ADGRL2: variants seen among roughly 807,000 people sequenced by gnomAD.
ADGRL2 encodes adhesion G protein-coupled receptor L2, also known as calcium-independent alpha-latrotoxin receptor 2.
In ADGRL2, 44 loss-of-function variants were observed where a neutral mutation model predicts 157.4. The observed-to-expected ratio is 0.28, with a 90% CI of 0.22 to 0.36. The LOEUF (loss-of-function observed/expected upper bound fraction) is 0.36. Ranked by LOEUF, ADGRL2 falls within the 10% of genes least tolerant of loss-of-function variation. The pLI, the probability that ADGRL2 is intolerant of heterozygous loss-of-function variation, is 1.00. For missense variants in ADGRL2, 1,510 were observed against 1,768.9 expected, an observed-to-expected ratio of 0.85 and a Z score of 2.63; for synonymous variants, 585 against 624.7, an observed-to-expected ratio of 0.94 and a Z score of 0.95.
chr1:81,476,247 G>A (rs1026215421), intron 2 of ADGRL2, among the ~76,000 whole-genome samples: 1 of 152,152 alleles, frequency 6.6e-6, no homozygotes, highest in Non-Finnish European at 1.5e-5. Flanking sequence ...ACAATCTTTT[G>A]ATTAGATCAC....
intron 3 of ADGRL2, among the ~76,000 whole-genome samples, chr1:81,595,803 T>C (rs1015708560): frequency 2.0e-5 from 3 of 152,212 alleles, no homozygotes; most frequent in African/African-American, 7.2e-5. Flanking sequence ...CCATTTGGGC[T>C]GCTATAACAG....
chr1:81,598,845 T>G (rs1472243262), intron 3 of ADGRL2, among the ~76,000 whole-genome samples: 8 of 152,244 alleles, frequency 5.3e-5, no homozygotes, highest in African/African-American at 1.9e-4. Flanking sequence ...TGGGGCTTTA[T>G]GCACCCCTGA....
At chr1:81,433,579 G>T (rs2077359871) in intron 1 of ADGRL2, among the ~76,000 whole-genome samples, 1 of 152,188 alleles carries the variant, frequency 6.6e-6, no homozygotes, top group Middle Eastern at 3.2e-3. Flanking sequence ...AATGGTGCTT[G>T]CAGGACAGCC....
chr1:81,594,782 G>A (rs945876196), intron 3 of ADGRL2, among the ~76,000 whole-genome samples: 6 of 152,162 alleles, frequency 3.9e-5, no homozygotes, highest in Non-Finnish European at 7.3e-5. Flanking sequence ...CCATTGGACA[G>A]CAAACAGCTT....
chr1:81,673,253 A>G (rs1056846873), intron 3 of ADGRL2, among the ~76,000 whole-genome samples: 1 of 152,186 alleles, frequency 6.6e-6, no homozygotes, highest in Non-Finnish European at 1.5e-5. Context: ...AAGCAGAGTA[A>G]TTCTATTTGA....
chr1:81,503,475 A>G (rs2078900259), intron 2 of ADGRL2: 1 of 1,610,986 alleles, frequency 6.2e-7, no homozygotes, highest in Non-Finnish European at 8.5e-7. Context: ...TCTGATGGGC[A>G]GGACCCAGCT....
At chr1:81,506,180 C>T (rs1343256407) in intron 2 of ADGRL2, 1 of 152,970 alleles carries the variant, frequency 6.5e-6, no homozygotes, top group East Asian at 1.9e-4. Context: ...CTGGTAGCAC[C>T]TTTTAAAGAC....
At chr1:81,718,179 C>A (rs926665045) in intron 1 of ADGRL2, among the ~76,000 whole-genome samples, 2 of 152,092 alleles carry the variant, frequency 1.3e-5, no homozygotes, top group Non-Finnish European at 2.9e-5. Flanking sequence ...GCCACCATGC[C>A]CAGCTAATTT....
intron 3 of ADGRL2, among the ~76,000 whole-genome samples, chr1:81,624,451 C>A (rs561190567): frequency 6.6e-6 from 1 of 152,020 alleles, no homozygotes; most frequent in South Asian, 2.1e-4. Flanking sequence ...CGTGGTGGCC[C>A]GCGCCTGTAA....
At chr1:81,817,437 A>G (rs949305311) in intron 1 of ADGRL2, among the ~76,000 whole-genome samples, 2 of 152,132 alleles carry the variant, frequency 1.3e-5, no homozygotes, top group African/African-American at 4.8e-5. Flanking sequence ...TAATAAATCT[A>G]GAAAAGTGCA....
Position 81,712,755 on chromosome 1 carries a change from A to ATTTT in ADGRL2, c.-143+12969_-143+12972dup, listed in dbSNP as rs60265943. 1.7e-3 allele frequency among the ~76,000 whole-genome samples: 171 copies of ATTTT among 100,230 alleles called. 3 individuals carry two copies. The highest frequency in any genetic ancestry group is 6.3e-3 in the African/African-American group (157 of 24,746). The allele number at this position is 100,230 out of a possible 152,430, so 65.8% of individuals were successfully genotyped here. On this transcript the variant is annotated intron_variant, in intron 1 of 20. Transcript: ENST00000359929. ...GAGCACCAATTTACCTGGATCGCGG[A>ATTTT]TTTTTTTTTTTTTTTTTTTTTTTTT...
chr1:81,953,859 C>G (rs1341258), intron 10 of ADGRL2, among the ~76,000 whole-genome samples: 27,399 of 152,054 alleles, frequency 0.18, 3,242 homozygotes, highest in East Asian at 0.63. Context: ...TATATTGTGA[C>G]AAGAAAACAA....
chr1:81,510,263 A>G (rs10782762), intron 2 of ADGRL2, among the ~76,000 whole-genome samples: 1 of 151,962 alleles, frequency 6.6e-6, no homozygotes, highest in Non-Finnish European at 1.5e-5. Flanking sequence ...AATAATATTT[A>G]TCAGGTGCAT....
intron 2 of ADGRL2, among the ~76,000 whole-genome samples, chr1:81,524,196 TAAAAAA>T (rs59596783): frequency 6.9e-6 from 1 of 145,800 alleles, no homozygotes; most frequent in African/African-American, 2.5e-5. Flanking sequence ...CCATCTCTAC[TAAAAAA>T]AAAAATACAA....
chr1:81,468,804 A>G (rs2078112496), intron 2 of ADGRL2, among the ~76,000 whole-genome samples: 1 of 152,148 alleles, frequency 6.6e-6, no homozygotes, highest in South Asian at 2.1e-4. Context: ...TTTTCAATTG[A>G]CATACAAAGT....
At chr1:81,716,643 G>A (rs536331978) in intron 1 of ADGRL2, among the ~76,000 whole-genome samples, 1 of 152,140 alleles carries the variant, frequency 6.6e-6, no homozygotes, top group South Asian at 2.1e-4. Flanking sequence ...ATATAAAAGA[G>A]CTATACACCA....
At chr1:81,422,777 G>A (rs2077148450) in intron 1 of ADGRL2, among the ~76,000 whole-genome samples, 1 of 152,184 alleles carries the variant, frequency 6.6e-6, no homozygotes, top group Admixed American at 6.5e-5. Flanking sequence ...ACATATGTGT[G>A]AGAATCAAAT....
chr1:81,900,017 T>C (rs1016597774), intron 2 of ADGRL2, among the ~76,000 whole-genome samples: 2 of 152,146 alleles, frequency 1.3e-5, no homozygotes, highest in African/African-American at 4.8e-5. Flanking sequence ...AGGAGCTGAA[T>C]TACTGGGTTT....
intron 2 of ADGRL2, among the ~76,000 whole-genome samples, chr1:81,902,707 A>G (rs2094509934): frequency 6.6e-6 from 1 of 152,164 alleles, no homozygotes; most frequent in Non-Finnish European, 1.5e-5. Flanking sequence ...GGAAAGTACA[A>G]TGAGGCATGT....
Sources: gnomAD v4.1 joint callset for allele counts (sites outside exome capture counted in the v4.1 genomes callset) on GRCh38, gnomAD v4.1.1 for gene constraint, MANE v1.5 for transcripts, NCBI Gene and HGNC (gene_info 2026-07-23, HGNC 2026-07-21) for gene names.